The following ZNF780A variants were observed in gnomAD, a reference collection of about 807,000 sequenced individuals.
ZNF780A encodes the protein zinc finger protein 780A.
Under a neutral mutation model 56.7 loss-of-function variants are expected in ZNF780A, and 40 were observed. The observed-to-expected ratio is 0.71, with a 90% CI of 0.55 to 0.92. The LOEUF (loss-of-function observed/expected upper bound fraction) is 0.92. Ranked by LOEUF, ZNF780A falls within the 40% of genes least tolerant of loss-of-function variation. ZNF780A has a pLI of 0.00. For missense variants in ZNF780A, 672 were observed against 783.3 expected (o/e 0.86, Z 1.70); for synonymous variants, 231 against 248.3 (o/e 0.93, Z 0.66).
intron 2 of ZNF780A, among the ~76,000 whole-genome samples, chr19:40,085,860 C>A (rs759071076): frequency 1.1e-4 from 17 of 151,786 alleles, no homozygotes; most frequent in Admixed American, 6.6e-4. Flanking sequence ...AGCCTGGCAA[C>A]AGAGCGAGCC....
At chr19:40,083,695 A>G (rs1191716116) in intron 3 of ZNF780A, among the ~76,000 whole-genome samples, 2 of 151,042 alleles carry the variant, frequency 1.3e-5, no homozygotes, top group African/African-American at 4.9e-5. Flanking sequence ...AAAAGGTGGC[A>G]TACAATTAAA....
intron 2 of ZNF780A, chr19:40,089,313 A>C (rs1926934): frequency 0.049 from 66,716 of 1,352,512 alleles, 3,304 homozygotes; most frequent in African/African-American, 0.21. Context: ...CTGTCGATTT[A>C]AAAAGAAAGA....
At chr19:40,089,121 C>A (rs106082) in intron 2 of ZNF780A, 401,707 of 790,598 alleles carry the variant, frequency 0.51, 106,988 homozygotes, top group East Asian at 0.78. Context: ...CAGGGTATCT[C>A]CAATTAATAA....
chr19:40,076,012 T>C lies in ZNF780A; in HGVS notation c.430A>G (p.Ser144Gly), dbSNP rs767591097. The C allele has an allele frequency of 6.2e-7, 1 of 1,613,560 alleles. No homozygotes were observed. The highest frequency in any genetic ancestry group is 2.2e-5 in the East Asian group (1 of 44,864). The change falls in exon 6 of 6, where the codon AGC becomes GGC. Residue 144 changes from serine to glycine, a missense_variant. Coordinates refer to ENST00000683561, the MANE Select transcript of ZNF780A (RefSeq NM_001142578.2). ...GTATGAGTAGGCAGTTTTTCATAGC[T>C]GATCATCTTTTGATTGATATTTCCT... ...QEGNINQKMI[S>G]YEKLPTHTPH...
chr19:40,083,556 C>T (rs907188097), intron 3 of ZNF780A, among the ~76,000 whole-genome samples: 1 of 150,296 alleles, frequency 6.7e-6, no homozygotes, highest in Non-Finnish European at 1.5e-5. Context: ...CCCAGCTACT[C>T]GGGAGGCTGA....
chr19:40,077,262 G>GA (rs1974197252), intron 5 of ZNF780A, among the ~76,000 whole-genome samples: 1 of 151,932 alleles, frequency 6.6e-6, no homozygotes, highest in African/African-American at 2.4e-5. Context: ...GGTAATTTAC[G>GA]AAAAAATGAG....
intron 2 of ZNF780A, chr19:40,085,168 C>G (rs574026122): frequency 9.1e-6 from 9 of 985,362 alleles, no homozygotes; most frequent in Non-Finnish European, 1.1e-5. Flanking sequence ...CCCAGTCCCA[C>G]CTTTCAGAGC....
At chr19:40,078,433 G>A (rs1027395649) in intron 5 of ZNF780A, among the ~76,000 whole-genome samples, 1 of 152,116 alleles carries the variant, frequency 6.6e-6, no homozygotes, top group Non-Finnish European at 1.5e-5. Context: ...TCCAGATACA[G>A]GAAGCTCAGA....
rs374805532 is a variant in ZNF780A, at chr19:40,075,316, G to A, written c.1126C>T (p.Leu376Phe). Reference protein sequence around the residue: ...CGKAFSLLNQLNRHKNIHTGE... With the variant: ...CGKAFSLLNQFNRHKNIHTGE... ...GTGTGAATGTTCTTATGGCGATTAA[G>A]CTGGTTGAGAAGACTAAAGGCCTTC... Residue 376 changes from leucine to phenylalanine, a missense_variant, in exon 6 of 6, where the codon CTT becomes TTT. Leu to Phe is a conservative substitution (Grantham distance 22). Coordinates refer to ENST00000683561, the MANE Select transcript of ZNF780A (RefSeq NM_001142578.2). 1.9e-5 allele frequency: 30 copies of A among 1,613,654 alleles called. No individual in the cohort carries two copies. In the African/African-American group the frequency reaches 4.0e-4, roughly 22 times the overall value.
chr19:40,078,032 G>A (rs1034982656), intron 5 of ZNF780A, among the ~76,000 whole-genome samples: 4 of 150,568 alleles, frequency 2.7e-5, no homozygotes, highest in East Asian at 3.9e-4. Context: ...AAGAGAATTC[G>A]GAAGAACAAT....
downstream of ZNF780A, chr19:40,072,156 C>G (rs1265466229): frequency 8.3e-6 from 2 of 240,416 alleles, no homozygotes; most frequent in East Asian, 1.9e-4. Flanking sequence ...ACCGCGGACC[C>G]CTGGACCGGC....
intron 5 of ZNF780A, among the ~76,000 whole-genome samples, chr19:40,078,086 C>CG (rs1974253410): frequency 6.7e-6 from 1 of 149,196 alleles, no homozygotes; most frequent in Non-Finnish European, 1.5e-5. Flanking sequence ...GAAGAAGAAA[C>CG]TTACCAATTT....
Position 40,074,774 on chromosome 19 carries a change from G to A in ZNF780A, c.1668C>T (p.Pro556=), listed in dbSNP as rs756770641. Residue 556 remains proline, a synonymous_variant, in exon 6 of 6, where the codon CCC becomes CCT. Coordinates refer to ENST00000683561, the MANE Select transcript of ZNF780A (RefSeq NM_001142578.2). ...QHRSIHTGKK[P]FECKECGKAF... Reference sequence around the variant, plus strand: ...CTTTCCCACATTCCTTACATTCAAAGGGTTTCTTTCCAGTATGAATACTTC... The same window carrying A: ...CTTTCCCACATTCCTTACATTCAAAAGGTTTCTTTCCAGTATGAATACTTC... 6.2e-7 allele frequency: 1 copy of A among 1,613,632 alleles called. No homozygotes were observed. Among genetic ancestry groups the A allele is most frequent in the Non-Finnish European group, 8.5e-7 (1 of 1,179,862 alleles).
rs567498607 is a variant in ZNF780A, at chr19:40,073,085, C to T, written c.*1431G>A. ...ATATTGTCTTCATGTTTGGTTGATA[C>T]ACACGTTGATTAAATAAAGGGTAAA... On this transcript the variant is annotated 3_prime_UTR_variant, in exon 6 of 6. Coordinates refer to ENST00000683561, the MANE Select transcript of ZNF780A (RefSeq NM_001142578.2). 6 of 1,270,456 alleles carry T rather than the reference C, an allele frequency of 4.7e-6. No individual in the cohort carries two copies. The South Asian group carries it at 9.4e-5, about 20-fold the overall frequency. The allele number at this position is 1,270,456 out of a possible 1,614,324, so 78.7% of individuals were successfully genotyped here. A position where few individuals can be genotyped will look rare whatever the true frequency, so the allele number is the denominator to read the frequency against.
In ZNF780A at chr19:40,074,845, C is replaced by A. The variant is rs1403623152; in HGVS notation, c.1597G>T (p.Glu533Ter). ...CCACGACGAAAGAATTTCCCACATT[C>A]CTTACATTCAAATGGTTTTTCACCT... is the stretch of plus-strand genomic sequence containing the variant. ...HTGEKPFECK[E>*]CGKFFRRGSN... Residue 533 changes from glutamate to a stop codon, truncating the protein, a stop_gained, in exon 6 of 6, where the codon GAA becomes TAA. Coordinates refer to ENST00000683561, the MANE Select transcript of ZNF780A (RefSeq NM_001142578.2). LOFTEE classifies it high-confidence loss of function. The A allele has an allele frequency of 3.1e-6, 5 of 1,614,078 alleles. No homozygotes were observed. In the Admixed American group the frequency reaches 8.3e-5, roughly 27 times the overall value.
Position 40,083,141 on chromosome 19 carries a change from A to G in ZNF780A, c.106T>C (p.Leu36=), listed in dbSNP as rs1423057927. The stretch of plus-strand genomic sequence containing the variant: ...GAGATCAGGTGGCTGTAGTTCTCCA[A>G]CATCACATCCCTGTACAAGGTCCTC... ...DQRTLYRDVM[L]ENYSHLISLG... The change falls in exon 4 of 6, where the codon TTG becomes CTG. Residue 36 remains leucine (L), a synonymous_variant. Coordinates refer to ENST00000683561, the MANE Select transcript of ZNF780A (RefSeq NM_001142578.2). 6.2e-7 allele frequency: 1 copy of G among 1,614,056 alleles called. No individual in the cohort carries two copies. The highest frequency in any genetic ancestry group is 1.3e-5 in the African/African-American group (1 of 74,902).
chr19:40,077,175 C>T (rs1172491867), intron 5 of ZNF780A, among the ~76,000 whole-genome samples: 1 of 152,106 alleles, frequency 6.6e-6, no homozygotes, highest in Admixed American at 6.6e-5. Flanking sequence ...GCCACTGCCA[C>T]CACCAGAGCC....
In ZNF780A at chr19:40,073,812, G is replaced by A. The variant is rs371107671; in HGVS notation, c.*704C>T. On this transcript the variant is annotated 3_prime_UTR_variant, in exon 6 of 6. Transcript: ENST00000683561. Reference sequence around the variant, plus strand: ...CTCTCTGGTGTTGAGTAAATTTTTCGTACACAGTGAAGGCTTGTCCACACT... The same window carrying A: ...CTCTCTGGTGTTGAGTAAATTTTTCATACACAGTGAAGGCTTGTCCACACT... The A allele has an allele frequency of 1.8e-4, 173 of 988,356 alleles. 2 individuals carry two copies. The South Asian group carries it at 5.3e-3, about 31-fold the overall frequency. The allele number at this position is 988,356 out of a possible 1,614,324, so 61.2% of individuals were successfully genotyped here.
rs369689292 is a variant in ZNF780A, at chr19:40,073,105, G to A, written c.*1411C>T. 1.7e-5 allele frequency: 22 copies of A among 1,315,210 alleles called. No individual in the cohort carries two copies. In the African/African-American group the frequency reaches 2.3e-4, roughly 14 times the overall value. 81.5% of individuals were successfully genotyped at this position (1,315,210 alleles called of 1,614,324 possible). On this transcript the variant is annotated 3_prime_UTR_variant, in exon 6 of 6. Transcript: ENST00000683561. ...TGATACACACGTTGATTAAATAAAG[G>A]GTAAAGTGTCATGATGTCTAAAACT...
Sources: allele counts gnomAD v4.1 joint callset (sites outside exome capture counted in the v4.1 genomes callset), GRCh38; gene constraint gnomAD v4.1.1; transcripts MANE v1.5; gene names NCBI Gene and HGNC (gene_info 2026-07-23, HGNC 2026-07-21).